The following SIPA1L3 variants were observed in gnomAD, a reference collection of about 807,000 sequenced individuals.
The protein encoded by SIPA1L3 is signal-induced proliferation-associated 1-like protein 3.
SIPA1L3 carries 59 observed loss-of-function variants against 150.1 expected under a neutral mutation model. The observed-to-expected ratio is 0.39, with a 90% CI of 0.32 to 0.49. The LOEUF (loss-of-function observed/expected upper bound fraction) is 0.49. Among genes scored for constraint, SIPA1L3 ranks in the 20% least tolerant of loss-of-function variants. The pLI is 0.86. For missense variants in SIPA1L3, 2,211 were observed against 2,489.5 expected (o/e 0.89, Z 2.38); for synonymous variants, 1,070 against 1,077.6 (o/e 0.99, Z 0.14).
chr19:38,082,802 C>G lies in SIPA1L3; in HGVS notation c.1237C>G (p.Gln413Glu), dbSNP rs1259740472. The G allele has an allele frequency of 4.3e-6, 7 of 1,613,478 alleles. No individual in the cohort carries two copies. The highest frequency in any genetic ancestry group is 3.3e-5 in the Admixed American group (2 of 60,014). The change falls in exon 3 of 22, where the codon CAG (glutamine) becomes GAG (glutamate). Residue 413 changes from glutamine (Q) to glutamate (E), a missense_variant. Gln to Glu is a conservative substitution (Grantham distance 29). This residue lies in a region of SIPA1L3 where 587 missense variants were observed against 534.5 expected (regional missense o/e 1.10). Transcript: ENST00000222345. ...CCTAAACTGCAAGGAGAACTTGGAG[C>G]AGGACCTCGGCGATGACAACAGCAA... ...EDLNCKENLEQDLGDDNSNDL... is the reference protein window; with the variant it reads ...EDLNCKENLEEDLGDDNSNDL...
chr19:37,974,382 A>C (rs1430400230), intron 1 of SIPA1L3, among the ~76,000 whole-genome samples: 1 of 152,058 alleles, frequency 6.6e-6, no homozygotes, highest in Non-Finnish European at 1.5e-5. Context: ...GTACAGTGGT[A>C]CGTGCCTATA....
chr19:37,919,513 T>C (rs1272027509), intron 1 of SIPA1L3, among the ~76,000 whole-genome samples: 1 of 152,162 alleles, frequency 6.6e-6, no homozygotes, highest in Non-Finnish European at 1.5e-5. Flanking sequence ...AGGATTCCTA[T>C]GCAAGTCACT....
chr19:38,060,017 C>T lies in SIPA1L3; in HGVS notation c.-310-21239C>T, dbSNP rs140231325. ...CTCGAACTTCTGAGCTCAGGTAACC[C>T]GCCCACCTCAGCCTCTCAGAGTGCT... On this transcript the variant is annotated intron_variant, in intron 2 of 21. Transcript: ENST00000222345. Among the ~76,000 whole-genome samples, 500 of 152,272 alleles carry T rather than the reference C, an allele frequency of 3.3e-3. 2 individuals carry two copies. The highest frequency in any genetic ancestry group is 5.2e-3 in the Non-Finnish European group (352 of 68,018).
chr19:38,161,140 G>T (rs190792032), intron 13 of SIPA1L3, among the ~76,000 whole-genome samples: 1 of 151,308 alleles, frequency 6.6e-6, no homozygotes, highest in Non-Finnish European at 1.5e-5. Context: ...TCAGGAGTTC[G>T]AGACCAGCCT....
chr19:37,986,707 C>T (rs1049681905), intron 1 of SIPA1L3, among the ~76,000 whole-genome samples: 3 of 152,204 alleles, frequency 2.0e-5, no homozygotes, highest in Admixed American at 6.5e-5. Flanking sequence ...CTGTTTACAA[C>T]GTGCCCGTGC....
rs767123114 is a variant in SIPA1L3, at chr19:38,119,501, C to T, written c.2487C>T (p.Ala829=). The change falls in exon 9 of 22, where the codon GCC becomes GCT. Residue 829 remains alanine (A), a synonymous_variant. Transcript: ENST00000222345. ...RTRQEYLKDL[A]ENCVSNTPID... is the part of the protein sequence containing the mutation. Reference sequence around the variant, plus strand: ...GCCAGGAGTATCTCAAGGACCTGGCCGAAAACTGTGTCTCCAACACCCCCA... The same window carrying T: ...GCCAGGAGTATCTCAAGGACCTGGCTGAAAACTGTGTCTCCAACACCCCCA... The T allele has an allele frequency of 6.8e-6, 11 of 1,614,036 alleles. No homozygotes were observed. The highest frequency in any genetic ancestry group is 2.2e-5 in the East Asian group (1 of 44,892).
chr19:38,134,366 A>G (rs1452556112), intron 10 of SIPA1L3, among the ~76,000 whole-genome samples: 3 of 141,908 alleles, frequency 2.1e-5, no homozygotes, highest in Non-Finnish European at 4.5e-5. Flanking sequence ...TTGAGACTGC[A>G]GTGAGCTGTG....
chr19:37,934,015 A>C (rs1435623000), intron 1 of SIPA1L3, among the ~76,000 whole-genome samples: 1 of 152,188 alleles, frequency 6.6e-6, no homozygotes, highest in African/African-American at 2.4e-5. Flanking sequence ...CAGTTGAGCC[A>C]TCTCCCCTGC....
At chr19:38,168,825 A>G (rs1021064907) in intron 15 of SIPA1L3, among the ~76,000 whole-genome samples, 4 of 152,304 alleles carry the variant, frequency 2.6e-5, no homozygotes, top group Non-Finnish European at 4.4e-5. Context: ...CATACAGACA[A>G]TTGATGCTAA....
At chr19:37,930,910 A>G (rs1027688205) in intron 1 of SIPA1L3, among the ~76,000 whole-genome samples, 2 of 142,402 alleles carry the variant, frequency 1.4e-5, no homozygotes, top group African/African-American at 5.3e-5. Flanking sequence ...ATTCTGTGCC[A>G]GTTCATTCAC....
At chr19:38,165,396 G>C (rs1972187545) in intron 15 of SIPA1L3, among the ~76,000 whole-genome samples, 1 of 152,180 alleles carries the variant, frequency 6.6e-6, no homozygotes, top group Non-Finnish European at 1.5e-5. Context: ...TTGGCACTCT[G>C]TGTCTCCCTG....
chr19:38,029,640 C>T (rs375525546), intron 2 of SIPA1L3, among the ~76,000 whole-genome samples: 4 of 151,984 alleles, frequency 2.6e-5, no homozygotes, highest in East Asian at 3.9e-4. Context: ...CTTTTGTTGC[C>T]CAGGCTGGAG....
At chr19:37,910,349 A>G (rs2046367699) in intron 1 of SIPA1L3, among the ~76,000 whole-genome samples, 1 of 151,882 alleles carries the variant, frequency 6.6e-6, no homozygotes, top group South Asian at 2.1e-4. Flanking sequence ...TGGGTGGATC[A>G]CTTGAGCCCA....
At chr19:37,913,471 C>T (rs1303809426) in intron 1 of SIPA1L3, among the ~76,000 whole-genome samples, 1 of 152,154 alleles carries the variant, frequency 6.6e-6, no homozygotes, top group African/African-American at 2.4e-5. Flanking sequence ...TCTCAGCTCA[C>T]TGCAACCACT....
chr19:38,042,881 A>C (rs1472345161), intron 2 of SIPA1L3, among the ~76,000 whole-genome samples: 2 of 152,206 alleles, frequency 1.3e-5, no homozygotes, highest in African/African-American at 4.8e-5. Flanking sequence ...GAAAGCCAGT[A>C]GTAAAGATGG....
intron 1 of SIPA1L3, among the ~76,000 whole-genome samples, chr19:38,024,017 G>A (rs942128358): frequency 1.4e-4 from 22 of 152,314 alleles, no homozygotes; most frequent in African/African-American, 4.6e-4. Context: ...CTTGGGGAGG[G>A]GGAGGGGGGT....
At chr19:38,050,013 C>T (rs1014487861) in intron 2 of SIPA1L3, among the ~76,000 whole-genome samples, 1 of 152,140 alleles carries the variant, frequency 6.6e-6, no homozygotes, top group African/African-American at 2.4e-5. Flanking sequence ...CGGTGACCTG[C>T]GTTTGAATCC....
chr19:37,960,888 A>T (rs1454419943), intron 1 of SIPA1L3, among the ~76,000 whole-genome samples: 2 of 151,282 alleles, frequency 1.3e-5, no homozygotes, highest in Non-Finnish European at 2.9e-5. Flanking sequence ...TTTTGTTTTG[A>T]GACAGAGTCT....
rs1202450381 is a variant in SIPA1L3, at chr19:38,206,123, G to T, written c.5229G>T (p.Gln1743His). 6.4e-7 allele frequency: 1 copy of T among 1,550,510 alleles called. No homozygotes were observed. The highest frequency in any genetic ancestry group is 1.4e-5 in the African/African-American group (1 of 73,058). ...AGAAGCAGGACAAGGTGGTGCTCCA[G>T]TCAGAGGTGGCCAGCCTGCGGCAGA... ...QKEKQDKVVL[Q>H]SEVASLRQNN... The change falls in exon 22 of 22, where the codon CAG (glutamine) becomes CAT (histidine). Residue 1743 changes from glutamine (Q) to histidine (H), a missense_variant. Physicochemically the swap from Gln to His is conservative, Grantham distance 24. This residue lies in a region of SIPA1L3 where 63 missense variants were observed against 106.1 expected (regional missense o/e 0.59). Transcript: ENST00000222345.
Sources: gnomAD v4.1 joint callset for allele counts (sites outside exome capture counted in the v4.1 genomes callset) on GRCh38, gnomAD v4.1.1 for gene constraint, gnomAD v4.1.1 regional missense constraint, MANE v1.5 for transcripts, NCBI Gene and HGNC (gene_info 2026-07-23, HGNC 2026-07-21) for gene names.